Variants in NRG1 observed in about 807,000 individuals in gnomAD.
NRG1 encodes the protein pro-neuregulin-1, membrane-bound isoform.
A neutral mutation model predicts 63.8 loss-of-function variants in NRG1; 18 were observed. That is an observed-to-expected ratio of 0.28 (90% CI 0.19 to 0.42). The LOEUF (loss-of-function observed/expected upper bound fraction) is 0.42, where lower values mean the gene tolerates loss of function less well. NRG1 is among the 10% of genes least tolerant of loss of function. The pLI is 1.00. For synonymous variants in NRG1, 302 were observed against 301.3 expected (o/e 1.00, Z -0.02); for missense variants, 762 against 814.7 (o/e 0.94, Z 0.79).
chr8:32,113,529 G>C (rs1424247788), intron 1 of NRG1, among the ~76,000 whole-genome samples: 1 of 152,126 alleles, frequency 6.6e-6, no homozygotes, highest in Non-Finnish European at 1.5e-5. Flanking sequence ...CTAATATCTT[G>C]ACTACCTCCC....
At chr8:32,391,657 C>G (rs1435615929) in intron 1 of NRG1, among the ~76,000 whole-genome samples, 1 of 152,122 alleles carries the variant, frequency 6.6e-6, no homozygotes, top group East Asian at 1.9e-4. Context: ...GAATGATGGC[C>G]TCTAACTCCA....
At chr8:32,296,683 A>AT (rs1348083360) in intron 1 of NRG1, among the ~76,000 whole-genome samples, 1 of 151,544 alleles carries the variant, frequency 6.6e-6, no homozygotes, top group African/African-American at 2.4e-5. Context: ...TGGGCTATTG[A>AT]TTTTTTTCTA....
chr8:32,724,178 A>G (rs1417676992), intron 5 of NRG1, among the ~76,000 whole-genome samples: 2 of 152,212 alleles, frequency 1.3e-5, no homozygotes, highest in East Asian at 3.8e-4. Flanking sequence ...GGCAAACATC[A>G]AAGTAATGTC....
At chr8:31,847,626 T>C (rs1223569410) in intron 1 of NRG1, among the ~76,000 whole-genome samples, 3 of 152,236 alleles carry the variant, frequency 2.0e-5, no homozygotes, top group Non-Finnish European at 2.9e-5. Flanking sequence ...TTTTATCATA[T>C]TGGGTTATCA....
At chr8:32,248,749 T>C (rs1475976519) in intron 1 of NRG1, among the ~76,000 whole-genome samples, 1 of 152,068 alleles carries the variant, frequency 6.6e-6, no homozygotes, top group African/African-American at 2.4e-5. Context: ...TGCTAGGTTA[T>C]TTGGTTGGTA....
intron 1 of NRG1, among the ~76,000 whole-genome samples, chr8:32,450,807 G>A (rs915066993): frequency 2.6e-5 from 4 of 152,172 alleles, no homozygotes; most frequent in African/African-American, 7.2e-5. Context: ...TATGAGCCAG[G>A]AAAGAGATGG....
chr8:32,649,100 T>C (rs1412897125), intron 5 of NRG1, among the ~76,000 whole-genome samples: 1 of 151,964 alleles, frequency 6.6e-6, no homozygotes, highest in Non-Finnish European at 1.5e-5. Flanking sequence ...TATAATCAAA[T>C]GTTTAAATAG....
At chr8:31,775,617 G>T (rs1038137471) in intron 1 of NRG1, among the ~76,000 whole-genome samples, 2 of 152,078 alleles carry the variant, frequency 1.3e-5, no homozygotes, top group South Asian at 2.1e-4. Context: ...GCCGGGTGCG[G>T]TGGCTCACGC....
At chr8:31,667,644 A>G (rs1189844140) in intron 1 of NRG1, among the ~76,000 whole-genome samples, 2 of 152,184 alleles carry the variant, frequency 1.3e-5, no homozygotes, top group African/African-American at 4.8e-5. Flanking sequence ...AGGCTGCAGA[A>G]GGCCCCAGAA....
chr8:32,179,701 G>C (rs1313367828), intron 1 of NRG1, among the ~76,000 whole-genome samples: 1 of 152,076 alleles, frequency 6.6e-6, no homozygotes, highest in Non-Finnish European at 1.5e-5. Flanking sequence ...GAAAGTGTTT[G>C]GTGTCTACTA....
At chr8:31,746,669 AG>A (rs1815903880) in intron 1 of NRG1, among the ~76,000 whole-genome samples, 1 of 152,010 alleles carries the variant, frequency 6.6e-6, no homozygotes. Context: ...ATAACCCAAA[AG>A]AAAATAAATC....
chr8:32,357,000 C>T (rs911115946), intron 1 of NRG1, among the ~76,000 whole-genome samples: 6 of 152,184 alleles, frequency 3.9e-5, no homozygotes, highest in Admixed American at 2.0e-4. Flanking sequence ...ATAATGTATT[C>T]TTAGAGTCTG....
intron 1 of NRG1, among the ~76,000 whole-genome samples, chr8:32,534,934 T>C (rs894643572): frequency 1.5e-4 from 23 of 152,316 alleles, no homozygotes; most frequent in African/African-American, 5.3e-4. Flanking sequence ...AATTATTTAA[T>C]ACACACTGCA....
intron 1 of NRG1, among the ~76,000 whole-genome samples, chr8:31,949,868 T>C (rs571955792): frequency 6.6e-6 from 1 of 152,360 alleles, no homozygotes; most frequent in East Asian, 1.9e-4. Flanking sequence ...AAATTTGTTT[T>C]TCCTCCAGTC....
intron 1 of NRG1, among the ~76,000 whole-genome samples, chr8:32,525,075 C>T (rs969435507): frequency 6.6e-6 from 1 of 152,210 alleles, no homozygotes; most frequent in African/African-American, 2.4e-5. Context: ...CTCAAAGCTT[C>T]TTCTAGGTTG....
intron 1 of NRG1, among the ~76,000 whole-genome samples, chr8:32,113,265 C>T (rs749555056): frequency 1.2e-4 from 18 of 152,134 alleles, no homozygotes; most frequent in Admixed American, 2.6e-4. Context: ...GTGAGAGGCA[C>T]GGGGAAGCCA....
chr8:32,617,213 T>A (rs1847536274), intron 5 of NRG1, among the ~76,000 whole-genome samples: 1 of 152,226 alleles, frequency 6.6e-6, no homozygotes, highest in Non-Finnish European at 1.5e-5. Flanking sequence ...ATTGTGTGTC[T>A]TTTCAGCTTC....
intron 1 of NRG1, among the ~76,000 whole-genome samples, chr8:32,521,334 T>C (rs1227375730): frequency 6.6e-6 from 1 of 152,238 alleles, no homozygotes; most frequent in Non-Finnish European, 1.5e-5. Flanking sequence ...GTGTATTATA[T>C]TCTGCCTTTT....
chr8:32,485,238 C>T (rs988899977), intron 1 of NRG1, among the ~76,000 whole-genome samples: 5 of 152,088 alleles, frequency 3.3e-5, no homozygotes, highest in Non-Finnish European at 7.4e-5. Flanking sequence ...CCTCAGCCTC[C>T]CAAGGAGCTG....
Sources: gnomAD v4.1 joint callset for allele counts (sites outside exome capture counted in the v4.1 genomes callset) on GRCh38, gnomAD v4.1.1 for gene constraint, MANE v1.5 for transcripts, NCBI Gene and HGNC (gene_info 2026-07-23, HGNC 2026-07-21) for gene names.